Variants in ESRRG observed in about 807,000 individuals in gnomAD.
ESRRG encodes estrogen related receptor gamma.
Under a neutral mutation model 44.0 loss-of-function variants are expected in ESRRG, and 13 were observed. That is an observed-to-expected ratio of 0.30 (90% CI 0.19 to 0.47). The LOEUF is 0.47. ESRRG is among the 20% of genes least tolerant of loss of function. ESRRG has a pLI of 1.00. For synonymous variants in ESRRG, 215 were observed against 214.6 expected (o/e 1.00, Z -0.02); for missense variants, 395 against 580.6 (o/e 0.68, Z 3.29).
intron 1 of ESRRG, chr1:217,078,041 C>G (rs2091460298): frequency 6.6e-6 from 1 of 152,274 alleles, no homozygotes; most frequent in South Asian, 2.1e-4. Context: ...AACATAACGT[C>G]GGAAAAATCC....
intron 4 of ESRRG, among the ~76,000 whole-genome samples, chr1:216,566,702 T>C (rs1048972358): frequency 5.3e-5 from 8 of 152,212 alleles, no homozygotes; most frequent in African/African-American, 1.9e-4. Context: ...AGGTTTTTTA[T>C]TATAATGTGC....
At chr1:216,655,766 T>A (rs2070336344) in intron 2 of ESRRG, among the ~76,000 whole-genome samples, 1 of 152,164 alleles carries the variant, frequency 6.6e-6, no homozygotes, top group Non-Finnish European at 1.5e-5. Context: ...TTTGCTTTAT[T>A]TGCTGGAGGA....
At chr1:216,926,656 C>T (rs185956379) in intron 2 of ESRRG, among the ~76,000 whole-genome samples, 304 of 152,242 alleles carry the variant, frequency 2.0e-3, no homozygotes, top group African/African-American at 6.1e-3. Flanking sequence ...AGGGACATTG[C>T]ACTTGCAGCC....
chr1:216,839,954 C>G (rs569835755), intron 2 of ESRRG, among the ~76,000 whole-genome samples: 1 of 152,270 alleles, frequency 6.6e-6, no homozygotes, highest in Non-Finnish European at 1.5e-5. Flanking sequence ...TTCTTAGGAG[C>G]CCTAGCATTT....
intron 1 of ESRRG, among the ~76,000 whole-genome samples, chr1:216,939,984 G>A (rs1368444872): frequency 6.6e-6 from 1 of 152,010 alleles, no homozygotes; most frequent in Non-Finnish European, 1.5e-5. Context: ...CAAATGCTCT[G>A]GTTAGGGTTT....
At chr1:217,011,175 A>T (rs529671572) in intron 1 of ESRRG, among the ~76,000 whole-genome samples, 30 of 152,314 alleles carry the variant, frequency 2.0e-4, no homozygotes, top group South Asian at 1.2e-3. Flanking sequence ...CTGCGTACAC[A>T]CTCTACAGAA....
At chr1:216,824,850 G>A (rs1203925758) in intron 2 of ESRRG, among the ~76,000 whole-genome samples, 2 of 152,172 alleles carry the variant, frequency 1.3e-5, no homozygotes, top group East Asian at 1.9e-4. Context: ...GGGAAGTAAC[G>A]AACCATGAAC....
At chr1:217,102,500 G>A (rs2092531557) in intron 1 of ESRRG, among the ~76,000 whole-genome samples, 1 of 152,192 alleles carries the variant, frequency 6.6e-6, no homozygotes, top group Non-Finnish European at 1.5e-5. Flanking sequence ...CACTTCTCTA[G>A]TTTGGGTCTC....
At chr1:216,517,055 T>C (rs1037161689) in intron 6 of ESRRG, among the ~76,000 whole-genome samples, 7 of 152,144 alleles carry the variant, frequency 4.6e-5, no homozygotes, top group Admixed American at 3.3e-4. Flanking sequence ...GGACTCTGAT[T>C]CAATTGATTT....
chr1:217,114,446 T>C (rs1287852932), intron 1 of ESRRG, among the ~76,000 whole-genome samples: 1 of 152,142 alleles, frequency 6.6e-6, no homozygotes, highest in Admixed American at 6.6e-5. Context: ...TAATTGCAGC[T>C]GTAGTCTAAC....
intron 5 of ESRRG, among the ~76,000 whole-genome samples, chr1:216,540,422 T>C (rs1354141124): frequency 1.3e-5 from 2 of 152,030 alleles, no homozygotes; most frequent in African/African-American, 4.8e-5. Flanking sequence ...AGGGACCTTA[T>C]TTAATTTGTT....
At chr1:216,839,007 T>G (rs1217694765) in intron 2 of ESRRG, among the ~76,000 whole-genome samples, 1 of 152,018 alleles carries the variant, frequency 6.6e-6, no homozygotes, top group Non-Finnish European at 1.5e-5. Flanking sequence ...AGTGATGGAG[T>G]CTTCCTTTCA....
chr1:216,816,494 C>T (rs767480974), intron 2 of ESRRG, among the ~76,000 whole-genome samples: 34 of 152,148 alleles, frequency 2.2e-4, no homozygotes, highest in Non-Finnish European at 3.8e-4. Flanking sequence ...TAACATAATG[C>T]CTTTTGTGGC....
intron 5 of ESRRG, among the ~76,000 whole-genome samples, chr1:216,535,317 T>C (rs1464549794): frequency 6.6e-6 from 1 of 152,092 alleles, no homozygotes; most frequent in Non-Finnish European, 1.5e-5. Context: ...TATGGTATGC[T>C]CCAGACTAAA....
chr1:217,080,443 A>G (rs1039048062), intron 1 of ESRRG, among the ~76,000 whole-genome samples: 1 of 152,122 alleles, frequency 6.6e-6, no homozygotes, highest in Non-Finnish European at 1.5e-5. Flanking sequence ...CATTATATAC[A>G]TGTCAAAGTT....
intron 3 of ESRRG, among the ~76,000 whole-genome samples, chr1:216,608,061 C>T (rs1166479006): frequency 6.6e-6 from 1 of 152,166 alleles, no homozygotes; most frequent in Non-Finnish European, 1.5e-5. Context: ...TCATTTCTTT[C>T]TATAACTGAG....
intron 1 of ESRRG, among the ~76,000 whole-genome samples, chr1:217,043,207 T>C (rs2084197006): frequency 1.3e-5 from 2 of 152,126 alleles, no homozygotes; most frequent in South Asian, 4.1e-4. Context: ...CATACATCTG[T>C]AGGGCTATCA....
chr1:216,820,991 C>A (rs573444542), intron 2 of ESRRG, among the ~76,000 whole-genome samples: 28 of 152,074 alleles, frequency 1.8e-4, no homozygotes, highest in Non-Finnish European at 3.8e-4. Flanking sequence ...GAAAATATTT[C>A]TAGAACAGGA....
At chr1:216,992,139 C>T (rs1198894586) in intron 1 of ESRRG, among the ~76,000 whole-genome samples, 1 of 152,192 alleles carries the variant, frequency 6.6e-6, no homozygotes, top group Non-Finnish European at 1.5e-5. Context: ...ATGGGGGCTT[C>T]ACCTTGATCA....
Sources: gnomAD v4.1 joint callset for allele counts (sites outside exome capture counted in the v4.1 genomes callset) on GRCh38, gnomAD v4.1.1 for gene constraint, MANE v1.5 for transcripts, NCBI Gene and HGNC (gene_info 2026-07-23, HGNC 2026-07-21) for gene names.